DST: variants seen among roughly 807,000 people sequenced by gnomAD.
DST encodes bullous pemphigoid antigen.
Under a neutral mutation model 875.2 loss-of-function variants are expected in DST, and 253 were observed. That is an observed-to-expected ratio of 0.29 (90% confidence interval 0.26 to 0.32). The LOEUF (loss-of-function observed/expected upper bound fraction) is 0.32. DST is among the 10% of genes least tolerant of loss of function. The pLI is 1.00. For synonymous variants in DST, 3,124 were observed against 3,197.1 expected (o/e 0.98, Z 0.77); for missense variants, 8,287 against 9,111.6 (o/e 0.91, Z 3.68).
chr6:56,500,289 G>A (rs891820693), intron 80 of DST, among the ~76,000 whole-genome samples: 3 of 152,056 alleles, frequency 2.0e-5, no homozygotes, highest in African/African-American at 7.2e-5. Flanking sequence ...AAAGATTGTT[G>A]AATGCCAGGA....
At chr6:56,903,518 G>A (rs1436938769) in intron 2 of DST, among the ~76,000 whole-genome samples, 1 of 152,160 alleles carries the variant, frequency 6.6e-6, no homozygotes, top group Admixed American at 6.5e-5. Context: ...GGAGTGCAGT[G>A]GTGTGATCTC....
Position 56,515,684 on chromosome 6 carries a change from A to G in DST, c.18358-16T>C, listed in dbSNP as rs112460458. The G allele has an allele frequency of 1.3e-3, 2,083 of 1,564,678 alleles. 21 individuals carry two copies. In the African/African-American group the frequency reaches 0.024, roughly 18 times the overall value. On this transcript the variant is annotated splice_polypyrimidine_tract_variant and intron_variant, in intron 71 of 103. Transcript: ENST00000680361. ...CCAGTTTTTTCTAGAAAATAAAAGG[A>G]TGAAATGTTTAACTGGTCAGGCCAA...
intron 4 of DST, among the ~76,000 whole-genome samples, chr6:56,821,854 A>C (rs1321875593): frequency 2.6e-5 from 4 of 152,204 alleles, no homozygotes; most frequent in African/African-American, 9.6e-5. Context: ...ACACAAAGGC[A>C]AATACATGAA....
At position 56,932,750 on chromosome 6, in the gene DST, C is replaced by A. The variant is rs888242780; in HGVS notation, c.216+21035G>T. Among the ~76,000 whole-genome samples the A allele has an allele frequency of 4.6e-5, 7 of 151,778 alleles. No homozygotes were observed. The South Asian group carries it at 1.3e-3, about 27-fold the overall frequency. ...ATACCACCTGCCTTGGTGTGTAAATCCCCATATCTGGTGCCCTCATCCAGT... is the reference window on the plus strand; with the variant it reads ...ATACCACCTGCCTTGGTGTGTAAATACCCATATCTGGTGCCCTCATCCAGT... On this transcript the variant is annotated intron_variant, in intron 2 of 103. Transcript: ENST00000680361.
At chr6:56,831,152 C>A (rs546282589) in intron 4 of DST, among the ~76,000 whole-genome samples, 22 of 152,136 alleles carry the variant, frequency 1.4e-4, no homozygotes, top group Non-Finnish European at 3.1e-4. Context: ...GTTTCCTACA[C>A]CATATTAAGA....
intron 9 of DST, among the ~76,000 whole-genome samples, chr6:56,678,798 G>C (rs1450398079): frequency 1.3e-5 from 2 of 152,128 alleles, no homozygotes; most frequent in Non-Finnish European, 2.9e-5. Flanking sequence ...CCTGGAGATG[G>C]GACCAAAATT....
chr6:56,478,851 C>T (rs1333527638), intron 90 of DST, among the ~76,000 whole-genome samples: 5 of 152,104 alleles, frequency 3.3e-5, no homozygotes, highest in African/African-American at 1.2e-4. Flanking sequence ...TTCTGGACAT[C>T]GGCCTAGGCA....
intron 4 of DST, among the ~76,000 whole-genome samples, chr6:56,735,818 T>C (rs932896736): frequency 6.6e-6 from 1 of 152,212 alleles, no homozygotes. Flanking sequence ...TGGCTGAACA[T>C]TAATTATTCT....
intron 50 of DST, 72 bp downstream of exon 50, chr6:56,578,742 C>A: frequency 6.7e-7 from 1 of 1,502,564 alleles, no homozygotes; most frequent in South Asian, 1.2e-5. Context: ...GAACATTTTT[C>A]TCCATATCTA....
chr6:56,643,061 A>T (rs2098921479), intron 15 of DST: 1 of 572,726 alleles, frequency 1.7e-6, no homozygotes, highest in East Asian at 4.0e-5. Context: ...TGAACAAAGC[A>T]GGCAGATTGG....
intron 4 of DST, among the ~76,000 whole-genome samples, chr6:56,777,833 C>T (rs2099682181): frequency 6.6e-6 from 1 of 151,862 alleles, no homozygotes; most frequent in African/African-American, 2.4e-5. Flanking sequence ...AGTACCTGGA[C>T]TACAGGCATA....
In DST at chr6:56,603,226, C is replaced by A; in HGVS notation, c.11136G>T (p.Met3712Ile). The change falls in exon 42 of 104, where the codon ATG (methionine) becomes ATT (isoleucine). Residue 3712 changes from methionine to isoleucine, a missense_variant. By Grantham distance (10) the Met-to-Ile change is conservative. Transcript: ENST00000680361. ...CTACCATTTCAGAGTCGATCGCAAG[C>A]ATGATCTGTTTCGTTCTTTCTGAAG... is the stretch of plus-strand genomic sequence containing the variant. The part of the protein sequence containing the change: ...NVSSERTKQI[M>I]LAIDSEMSKL... The A allele has an allele frequency of 6.2e-7, 1 of 1,604,578 alleles. No individual in the cohort carries two copies. Among genetic ancestry groups the A allele is most frequent in the Non-Finnish European group, 8.5e-7 (1 of 1,175,534 alleles).
At chr6:56,468,328 T>C (rs1313331486) in intron 98 of DST, among the ~76,000 whole-genome samples, 1 of 152,154 alleles carries the variant, frequency 6.6e-6, no homozygotes, top group East Asian at 1.9e-4. Context: ...AATATAAATA[T>C]TCGATCAAGA....
intron 4 of DST, among the ~76,000 whole-genome samples, chr6:56,850,443 A>AC (rs1764575014): frequency 6.8e-6 from 1 of 148,140 alleles, no homozygotes; most frequent in East Asian, 2.0e-4. Flanking sequence ...GTGGAAAGGG[A>AC]CCCCCAGAGT....
intron 10 of DST, among the ~76,000 whole-genome samples, chr6:56,669,687 A>C (rs1015320132): frequency 6.6e-6 from 1 of 152,106 alleles, no homozygotes; most frequent in Non-Finnish European, 1.5e-5. Flanking sequence ...ACATGAACTC[A>C]AGAGCCAGAT....
chr6:56,470,371 G>A, intron 95 of DST, 89 bp from the exon 96 acceptor site: 2 of 1,083,302 alleles, frequency 1.8e-6, no homozygotes, highest in South Asian at 2.3e-5. Flanking sequence ...AGTGTAGCTG[G>A]TTAAATCATC....
At chr6:56,727,630 T>C (rs920001539) in intron 5 of DST, among the ~76,000 whole-genome samples, 1 of 152,230 alleles carries the variant, frequency 6.6e-6, no homozygotes, top group African/African-American at 2.4e-5. Flanking sequence ...AGTGTGTTGA[T>C]TGAAGAAGAA....
rs546957122 is a variant in DST at position 56,603,729 on chromosome 6, G to A, written c.10792-16C>T. The stretch of plus-strand genomic sequence containing the variant: ...CACTGGAAAACTAAAAACAAAGTTG[G>A]ACATTTTAATTCAATAACCTTTATG... On this transcript the variant is annotated splice_polypyrimidine_tract_variant and intron_variant, in intron 40 of 103. Transcript: ENST00000680361. 170 of 1,590,676 alleles carry A rather than the reference G, an allele frequency of 1.1e-4. 1 individual carries two copies. In the African/African-American group the frequency reaches 2.0e-3, roughly 18 times the overall value.
chr6:56,584,316 G>T (rs1436289388), intron 49 of DST, among the ~76,000 whole-genome samples: 1 of 151,970 alleles, frequency 6.6e-6, no homozygotes, highest in Non-Finnish European at 1.5e-5. Flanking sequence ...CACGTCCCTT[G>T]TAAGTTGGAT....
Sources: gnomAD v4.1 joint callset for allele counts (sites outside exome capture counted in the v4.1 genomes callset) on GRCh38, gnomAD v4.1.1 for gene constraint, MANE v1.5 for transcripts, NCBI Gene and HGNC (gene_info 2026-07-23, HGNC 2026-07-21) for gene names.